RASL10B: variants seen among roughly 807,000 people sequenced by gnomAD.
RASL10B encodes RAS like family 10 member B.
RASL10B carries 10 observed loss-of-function variants against 20.7 expected under a neutral mutation model. That is an observed-to-expected ratio of 0.48 (90% CI 0.30 to 0.82). The LOEUF (loss-of-function observed/expected upper bound fraction) is 0.82, where lower values mean the gene tolerates loss of function less well. Ranked by LOEUF, RASL10B falls within the 40% of genes least tolerant of loss-of-function variation. The pLI, the probability that RASL10B is intolerant of heterozygous loss-of-function variation, is 0.07. For missense variants in RASL10B, 231 were observed against 295.4 expected (o/e 0.78, Z 1.60); for synonymous variants, 110 against 123.3 (o/e 0.89, Z 0.72).
In RASL10B at chr17:35,741,332, G is replaced by A; in HGVS notation, c.*27G>A. Reference sequence around the variant, plus strand: ...GCCTGCGCGCCCCTCGGGCTGCACCGGCACTGGCCGAGCGGAGGGCGGGGC... The same window carrying A: ...GCCTGCGCGCCCCTCGGGCTGCACCAGCACTGGCCGAGCGGAGGGCGGGGC... On this transcript the variant is annotated 3_prime_UTR_variant, in exon 4 of 4. Transcript: ENST00000603017. 2 of 1,411,442 alleles carry A rather than the reference G, an allele frequency of 1.4e-6. No individual in the cohort carries two copies. Among genetic ancestry groups the A allele is most frequent in the Non-Finnish European group, 1.8e-6 (2 of 1,087,012 alleles). 87.4% of individuals were successfully genotyped at this position (1,411,442 alleles called of 1,614,324 possible).
intron 2 of RASL10B, among the ~76,000 whole-genome samples, chr17:35,737,410 T>C (rs1040925610): frequency 4.6e-5 from 7 of 152,300 alleles, no homozygotes; most frequent in African/African-American, 1.7e-4. Context: ...CCCTACTCCA[T>C]TGAAGAGCTA....
Position 35,735,901 on chromosome 17 carries a change from G to T in RASL10B, c.216+501G>T, listed in dbSNP as rs2085588762. ...GACAGGGAACACTAGGCTACTGTGAGTATTCGGAGCTGTGCCTACCGTAAC... is the reference window on the plus strand; with the variant it reads ...GACAGGGAACACTAGGCTACTGTGATTATTCGGAGCTGTGCCTACCGTAAC... On this transcript the variant is annotated intron_variant, in intron 2 of 3. Transcript: ENST00000603017. The surrounding 1 kb of genome is among the most constrained non-coding windows in gnomAD (Gnocchi z 6.7). Among the ~76,000 whole-genome samples the T allele has an allele frequency of 6.6e-6, 1 of 152,202 alleles. No homozygotes were observed. The highest frequency in any genetic ancestry group is 1.5e-5 in the Non-Finnish European group (1 of 68,040).
At chr17:35,738,845 C>T (rs943619222) in intron 2 of RASL10B, among the ~76,000 whole-genome samples, 4 of 152,142 alleles carry the variant, frequency 2.6e-5, no homozygotes, top group Non-Finnish European at 5.9e-5. Context: ...CTGGCAGCTG[C>T]TCCCTCTCCC....
At chr17:35,734,159 G>A (rs1389874834) in intron 1 of RASL10B, among the ~76,000 whole-genome samples, 1 of 152,218 alleles carries the variant, frequency 6.6e-6, no homozygotes, top group Non-Finnish European at 1.5e-5. Flanking sequence ...GGTGGCAGGT[G>A]CCTGTAATCC....
Position 35,735,090 on chromosome 17 carries a change from T to G in RASL10B, c.-95T>G. The stretch of plus-strand genomic sequence containing the variant: ...GGCAAGCAGAGGCAGCAATGGTTGG[T>G]CCTGACGGTGGCTGAGCCCCCAGCC... On this transcript the variant is annotated 5_prime_UTR_variant, in exon 2 of 4. Coordinates refer to ENST00000603017, the MANE Select transcript of RASL10B (RefSeq NM_033315.4). The surrounding 1 kb of genome is among the most constrained non-coding windows in gnomAD (Gnocchi z 6.7). The G allele has an allele frequency of 2.3e-6, 3 of 1,293,148 alleles. No individual in the cohort carries two copies. In the South Asian group the frequency reaches 3.9e-5, roughly 17 times the overall value. The allele number at this position is 1,293,148 out of a possible 1,614,324, so 80.1% of individuals were successfully genotyped here.
chr17:35,732,307 C>A (rs914030224), intron 1 of RASL10B, among the ~76,000 whole-genome samples: 3 of 152,342 alleles, frequency 2.0e-5, no homozygotes, highest in Non-Finnish European at 4.4e-5. Flanking sequence ...GGGGACGGAA[C>A]CAGGCTTCGC....
chr17:35,741,102 G>A lies in RASL10B; in HGVS notation c.409G>A (p.Val137Met), dbSNP rs781820562. The A allele has an allele frequency of 5.0e-6, 8 of 1,613,208 alleles. No individual in the cohort carries two copies. The highest frequency in any genetic ancestry group is 6.8e-6 in the Non-Finnish European group (8 of 1,179,860). The change falls in exon 4 of 4, where the codon GTG becomes ATG. Residue 137 changes from valine (V) to methionine (M), a missense_variant. Val to Met is a conservative substitution (Grantham distance 21). Transcript: ENST00000603017. ...GNKRDLQRGR[V>M]IPRWNVSHLV... is the part of the protein sequence containing the mutation. ...CAAGCGGGACCTGCAGCGCGGACGCGTGATCCCGCGCTGGAACGTGTCGCA... is the reference window on the plus strand; with the variant it reads ...CAAGCGGGACCTGCAGCGCGGACGCATGATCCCGCGCTGGAACGTGTCGCA...
At chr17:35,734,855 A>C (rs1319071337) in intron 1 of RASL10B, among the ~76,000 whole-genome samples, 183 bp from the exon 2 acceptor site, 1 of 152,060 alleles carries the variant, frequency 6.6e-6, no homozygotes, top group Non-Finnish European at 1.5e-5. Context: ...GGGCCCTACT[A>C]CTGGAATGCA....
At chr17:35,738,763 T>C (rs370476637) in intron 2 of RASL10B, among the ~76,000 whole-genome samples, 4 of 152,042 alleles carry the variant, frequency 2.6e-5, no homozygotes, top group African/African-American at 9.6e-5. Flanking sequence ...GAGGAGTGGG[T>C]GGGAGGAAGC....
rs1241327120 is a variant in RASL10B at position 35,742,807 on chromosome 17, A to T, written c.*1502A>T. 6.6e-6 allele frequency: 1 copy of T among 152,246 alleles called. No homozygotes were observed. Among genetic ancestry groups the T allele is most frequent in the Non-Finnish European group, 1.5e-5 (1 of 68,084 alleles). The allele number at this position is 152,246 out of a possible 1,614,324, so 9.4% of individuals were successfully genotyped here. A position where few individuals can be genotyped will look rare whatever the true frequency, so the allele number is the denominator to read the frequency against. ...AGGACAACTCCGCTTTGGCCAACCTAGCCAAGGCTGCAGCATATAGACCAG... is the reference window on the plus strand; with the variant it reads ...AGGACAACTCCGCTTTGGCCAACCTTGCCAAGGCTGCAGCATATAGACCAG... On this transcript the variant is annotated 3_prime_UTR_variant, in exon 4 of 4. Transcript: ENST00000603017.
intron 1 of RASL10B, among the ~76,000 whole-genome samples, chr17:35,733,523 C>T (rs1555596653): frequency 6.6e-6 from 1 of 152,224 alleles, no homozygotes; most frequent in East Asian, 1.9e-4. Context: ...TCAGCTGTGG[C>T]TTGTGCATAT....
Position 35,735,348 on chromosome 17 carries a change from T to C in RASL10B, c.164T>C (p.Leu55Pro). The C allele has an allele frequency of 6.2e-7, 1 of 1,614,192 alleles. No individual in the cohort carries two copies. The highest frequency in any genetic ancestry group is 8.5e-7 in the Non-Finnish European group (1 of 1,180,042). Reference protein sequence around the residue: ...AVVMNGHVHDLQILDFPPISA... With the variant: ...AVVMNGHVHDPQILDFPPISA... ...GTCATGAACGGCCACGTGCACGACC[T>C]CCAGATCCTCGACTTTCCACCCATC... Residue 55 changes from leucine to proline, a missense_variant, in exon 2 of 4, where the codon CTC (leucine) becomes CCC (proline). Physicochemically the swap from Leu to Pro is moderately conservative, Grantham distance 98. Transcript: ENST00000603017. The surrounding 1 kb of genome is among the most constrained non-coding windows in gnomAD (Gnocchi z 6.7).
In RASL10B at chr17:35,735,750, G is replaced by A. The variant is rs1555597135; in HGVS notation, c.216+350G>A. 6.6e-6 allele frequency among the ~76,000 whole-genome samples: 1 copy of A among 152,222 alleles called. No homozygotes were observed. The highest frequency in any genetic ancestry group is 1.5e-5 in the Non-Finnish European group (1 of 68,038). Reference sequence around the variant, plus strand: ...ATAAGTTCTATGATTGGAGGAGCAGGGAGCTGGGGCAGCCCTTAAGGGGGC... The same window carrying A: ...ATAAGTTCTATGATTGGAGGAGCAGAGAGCTGGGGCAGCCCTTAAGGGGGC... On this transcript the variant is annotated intron_variant, in intron 2 of 3. Transcript: ENST00000603017. The surrounding 1 kb of genome is among the most constrained non-coding windows in gnomAD (Gnocchi z 6.7).
intron 1 of RASL10B, among the ~76,000 whole-genome samples, chr17:35,733,418 G>A (rs182966735): frequency 1.3e-3 from 205 of 152,320 alleles, no homozygotes; most frequent in Admixed American, 9.2e-4. Flanking sequence ...AAGCCCTGGC[G>A]GTTCTCATTC....
At chr17:35,740,338 T>G in intron 2 of RASL10B, 71 bp from the exon 3 acceptor site, 1 of 1,570,896 alleles carries the variant, frequency 6.4e-7, no homozygotes, top group Middle Eastern at 2.0e-4. Flanking sequence ...GCCCCTCTGA[T>G]GGGAGGTGTT....
In RASL10B at chr17:35,732,456, C is replaced by T. The variant is rs1341149257; in HGVS notation, c.-148+578C>T. Among the ~76,000 whole-genome samples, 6 of 152,228 alleles carry T rather than the reference C, an allele frequency of 3.9e-5. No individual in the cohort carries two copies. The East Asian group carries it at 7.7e-4, about 20-fold the overall frequency. ...GGGCCCTGCTTCCTGGGACAGCCCC[C>T]TCCCTTCCGCACTCAGCCAAGGGTG... On this transcript the variant is annotated intron_variant, in intron 1 of 3. Coordinates refer to ENST00000603017, the MANE Select transcript of RASL10B (RefSeq NM_033315.4).
In RASL10B at chr17:35,735,107, C is replaced by A; in HGVS notation, c.-78C>A. 1 of 1,437,902 alleles carries A rather than the reference C, an allele frequency of 7.0e-7. No homozygotes were observed. The highest frequency in any genetic ancestry group is 1.2e-5 in the South Asian group (1 of 82,880). The allele number at this position is 1,437,902 out of a possible 1,614,324, so 89.1% of individuals were successfully genotyped here. A position where few individuals can be genotyped will look rare whatever the true frequency, so the allele number is the denominator to read the frequency against. ...ATGGTTGGTCCTGACGGTGGCTGAG[C>A]CCCCAGCCCCTGGAATATGCAGCCC... On this transcript the variant is annotated 5_prime_UTR_variant, in exon 2 of 4. Transcript: ENST00000603017. This position sits in a 1 kb window ranked among gnomAD's most constrained non-coding sequence, Gnocchi z 6.7.
chr17:35,743,028 A>G lies in RASL10B; in HGVS notation c.*1723A>G, dbSNP rs1028425562. 1 of 152,654 alleles carries G rather than the reference A, an allele frequency of 6.6e-6. No individual in the cohort carries two copies. The highest frequency in any genetic ancestry group is 1.5e-5 in the Non-Finnish European group (1 of 68,052). The allele number at this position is 152,654 out of a possible 1,614,324, so 9.5% of individuals were successfully genotyped here. Reference sequence around the variant, plus strand: ...ACCTTGGGCAGTCTAGTGTTCCTGCATTCTAGTCCCTGCTGTGCTGCAGGA... The same window carrying G: ...ACCTTGGGCAGTCTAGTGTTCCTGCGTTCTAGTCCCTGCTGTGCTGCAGGA... On this transcript the variant is annotated 3_prime_UTR_variant, in exon 4 of 4. Transcript: ENST00000603017.
intron 3 of RASL10B, 104 bp downstream of exon 3, chr17:35,740,637 T>C: frequency 7.4e-7 from 1 of 1,352,148 alleles, no homozygotes; most frequent in Non-Finnish European, 1.0e-6. Context: ...GAGGTATATG[T>C]GTTCTAAGAT....
Sources: allele counts gnomAD v4.1 joint callset (sites outside exome capture counted in the v4.1 genomes callset), GRCh38; gene constraint gnomAD v4.1.1; non-coding constraint Gnocchi (gnomAD v3.1); transcripts MANE v1.5; gene names NCBI Gene and HGNC (gene_info 2026-07-23, HGNC 2026-07-21).